The following DNAH11 variants were observed in gnomAD, a reference collection of about 807,000 sequenced individuals.
The protein encoded by DNAH11 is axonemal beta dynein heavy chain 11.
DNAH11 carries 442 observed loss-of-function variants against 526.0 expected under a neutral mutation model. The ratio of observed to expected loss-of-function variants is 0.84; its 90% CI spans 0.78 to 0.91. The LOEUF is 0.91. Ranked by LOEUF, DNAH11 falls within the 40% of genes least tolerant of loss-of-function variation. The pLI, the probability that DNAH11 is intolerant of heterozygous loss-of-function variation, is 0.00. For missense variants in DNAH11, 6,989 were observed against 5,448.7 expected (o/e 1.28, Z -8.90); for synonymous variants, 2,461 against 1,935.9 (o/e 1.27, Z -7.12).
chr7:21,816,610 G>A lies in DNAH11; in HGVS notation c.10476G>A (p.Trp3492Ter). 3.1e-6 allele frequency: 5 copies of A among 1,613,738 alleles called. No individual in the cohort carries two copies. Among genetic ancestry groups the A allele is most frequent in the Non-Finnish European group, 4.2e-6 (5 of 1,179,818 alleles). ...NAAILTHCER[W>*]PLVIDPQQQG... ...CTATCCTAACACACTGTGAGCGCTG[G>A]CCTCTGGTGATAGATCCCCAGCAAC... The change falls in exon 64 of 82, where the codon TGG becomes TGA. Residue 3492 changes from tryptophan to a stop codon, truncating the protein, a stop_gained. Coordinates refer to ENST00000409508, the MANE Select transcript of DNAH11 (RefSeq NM_001277115.2). LOFTEE classifies it high-confidence loss of function.
At chr7:21,578,170 C>A (rs1784172490) in intron 8 of DNAH11, among the ~76,000 whole-genome samples, 1 of 152,146 alleles carries the variant, frequency 6.6e-6, no homozygotes, top group Non-Finnish European at 1.5e-5. Flanking sequence ...ATGAGAACAA[C>A]AAAGAGTAAA....
At chr7:21,826,162 A>G (rs188181744) in intron 65 of DNAH11, among the ~76,000 whole-genome samples, 102 of 152,146 alleles carry the variant, frequency 6.7e-4, no homozygotes, top group African/African-American at 2.4e-3. Context: ...CCATAAATCT[A>G]TAAAAGTCAT....
chr7:21,673,611 C>A (rs559971229), intron 30 of DNAH11, among the ~76,000 whole-genome samples: 2 of 152,312 alleles, frequency 1.3e-5, no homozygotes, highest in South Asian at 2.1e-4. Context: ...CCCTGACTTT[C>A]TTTCCTCCTG....
At chr7:21,637,043 CT>C (rs1302478904) in intron 26 of DNAH11, among the ~76,000 whole-genome samples, 1 of 152,106 alleles carries the variant, frequency 6.6e-6, no homozygotes, top group Non-Finnish European at 1.5e-5. Context: ...AAGGTTTTTT[CT>C]TTCTACCTGA....
At chr7:21,864,702 A>G (rs72658809) in intron 70 of DNAH11, 45 bp downstream of exon 70, 4 of 1,525,948 alleles carry the variant, frequency 2.6e-6, no homozygotes, top group Non-Finnish European at 3.5e-6. Flanking sequence ...CTTATTTAAA[A>G]TATTAGCTCT....
chr7:21,750,830 G>A (rs1005004278), intron 54 of DNAH11, among the ~76,000 whole-genome samples: 10 of 152,062 alleles, frequency 6.6e-5, no homozygotes, highest in Admixed American at 2.6e-4. Context: ...TCAACTGCAC[G>A]GTACGGATTT....
intron 63 of DNAH11, among the ~76,000 whole-genome samples, chr7:21,810,177 G>A (rs1789451865): frequency 6.6e-6 from 1 of 152,150 alleles, no homozygotes; most frequent in Admixed American, 6.5e-5. Context: ...AAACCCATAA[G>A]CAAAGTGAAG....
At chr7:21,603,607 G>T (rs147614592) in intron 18 of DNAH11, among the ~76,000 whole-genome samples, 1 of 152,150 alleles carries the variant, frequency 6.6e-6, no homozygotes, top group Non-Finnish European at 1.5e-5. Flanking sequence ...TATATGAATT[G>T]TTAAATTCTA....
intron 30 of DNAH11, among the ~76,000 whole-genome samples, chr7:21,672,632 G>C (rs1782688601): frequency 6.6e-6 from 1 of 152,178 alleles, no homozygotes; most frequent in Admixed American, 6.5e-5. Context: ...CAGCTTCTTT[G>C]CCACCATGGC....
In DNAH11 at chr7:21,861,415, G is replaced by A. The variant is rs150963826; in HGVS notation, c.11203-438G>A. On this transcript the variant is annotated intron_variant, in intron 68 of 81. Coordinates refer to ENST00000409508, the MANE Select transcript of DNAH11 (RefSeq NM_001277115.2). The stretch of plus-strand genomic sequence containing the variant: ...GTATGGCCTTGAATCTGCATTAAAC[G>A]GTATAATTTATGTTCATGAGAAAAA... Among the ~76,000 whole-genome samples the A allele has an allele frequency of 1.8e-4, 27 of 152,248 alleles. 1 individual carries two copies. The Middle Eastern group carries it at 0.01, about 58-fold the overall frequency.
intron 32 of DNAH11, among the ~76,000 whole-genome samples, chr7:21,686,098 A>G (rs952689055): frequency 5.9e-5 from 9 of 152,220 alleles, no homozygotes; most frequent in African/African-American, 2.2e-4. Flanking sequence ...TTAAACATGC[A>G]ATGGATATAA....
chr7:21,827,843 C>T (rs558090816), intron 65 of DNAH11, among the ~76,000 whole-genome samples: 2 of 152,106 alleles, frequency 1.3e-5, no homozygotes, highest in African/African-American at 4.8e-5. Flanking sequence ...TAGATCTATT[C>T]AAATGAGGAC....
At chr7:21,724,423 A>C (rs1784994925) in intron 44 of DNAH11, among the ~76,000 whole-genome samples, 1 of 152,256 alleles carries the variant, frequency 6.6e-6, no homozygotes, top group Non-Finnish European at 1.5e-5. Context: ...CCAATGACAT[A>C]GGGACGTCAA....
intron 43 of DNAH11, among the ~76,000 whole-genome samples, chr7:21,718,401 C>A (rs1289345128): frequency 2.6e-5 from 4 of 152,160 alleles, no homozygotes; most frequent in Non-Finnish European, 2.9e-5. Flanking sequence ...ATTAAAGATG[C>A]CAGCCAGTGA....
chr7:21,543,359 G>C lies in DNAH11; in HGVS notation c.114G>C (p.Glu38Asp). The change falls in exon 1 of 82, where the codon GAG becomes GAC. Residue 38 changes from glutamate (E) to aspartate (D), a missense_variant. Transcript: ENST00000409508. Reference sequence around the variant, plus strand: ...TGGGCGCTGTGGAGCTCGAGGAGGAGGAGGAGAACGAGGAGGAGGCGGCGG... The same window carrying C: ...TGGGCGCTGTGGAGCTCGAGGAGGACGAGGAGAACGAGGAGGAGGCGGCGG... ...EAVGAVELEE[E>D]EENEEEAAAR... The C allele has an allele frequency of 6.4e-7, 1 of 1,551,546 alleles. No homozygotes were observed. The highest frequency in any genetic ancestry group is 8.7e-7 in the Non-Finnish European group (1 of 1,146,832).
chr7:21,567,827 TC>T (rs1783734737), intron 6 of DNAH11, among the ~76,000 whole-genome samples: 1 of 152,252 alleles, frequency 6.6e-6, no homozygotes, highest in Non-Finnish European at 1.5e-5. Flanking sequence ...ATAAAAGGCA[TC>T]ACCTGTTCAC....
chr7:21,860,929 TC>T (rs1783039860), intron 68 of DNAH11, among the ~76,000 whole-genome samples: 1 of 152,022 alleles, frequency 6.6e-6, no homozygotes, highest in Non-Finnish European at 1.5e-5. Flanking sequence ...AACCATCAGA[TC>T]TCATGAGAGT....
At chr7:21,658,089 C>T (rs193032115) in intron 29 of DNAH11, among the ~76,000 whole-genome samples, 39 of 151,894 alleles carry the variant, frequency 2.6e-4, no homozygotes, top group Admixed American at 1.8e-3. Flanking sequence ...ATTAATATAA[C>T]AAAATACATT....
At chr7:21,636,915 C>T (rs1159253612) in intron 26 of DNAH11, among the ~76,000 whole-genome samples, 4 of 151,998 alleles carry the variant, frequency 2.6e-5, no homozygotes, top group African/African-American at 7.2e-5. Context: ...CTACTAGTTT[C>T]GGTTTTTCTT....
Sources: gnomAD v4.1 joint callset for allele counts (sites outside exome capture counted in the v4.1 genomes callset) on GRCh38, gnomAD v4.1.1 for gene constraint, MANE v1.5 for transcripts, NCBI Gene and HGNC (gene_info 2026-07-23, HGNC 2026-07-21) for gene names.